ARHGAP10: variants seen among roughly 807,000 people sequenced by gnomAD.
ARHGAP10 encodes rho GTPase-activating protein 10.
A neutral mutation model predicts 108.6 loss-of-function variants in ARHGAP10; 87 were observed. The ratio of observed to expected loss-of-function variants is 0.80; its 90% CI spans 0.67 to 0.96. ARHGAP10 has a LOEUF of 0.96. Ranked by LOEUF, ARHGAP10 falls within the 40% of genes least tolerant of loss-of-function variation. The pLI is 0.00. For missense variants in ARHGAP10, 939 were observed against 954.5 expected (o/e 0.98, Z 0.21); for synonymous variants, 347 against 341.1 (o/e 1.02, Z -0.19).
intron 1 of ARHGAP10, among the ~76,000 whole-genome samples, chr4:147,760,388 G>C (rs762085930): frequency 1.3e-5 from 2 of 152,194 alleles, no homozygotes; most frequent in Non-Finnish European, 2.9e-5. Flanking sequence ...AGATTTATCA[G>C]GTTTCTACTT....
rs1735007125 is a variant in ARHGAP10, at chr4:147,875,156, A to G, written c.832+6A>G. 6.4e-7 allele frequency: 1 copy of G among 1,570,380 alleles called. No homozygotes were observed. Among genetic ancestry groups the G allele is most frequent in the Non-Finnish European group, 8.6e-7 (1 of 1,166,320 alleles). ...CCTGTATGTCCAGGAAAAAAGTAAG[A>G]GGCCCTCCAGCAGTGGCTGCGTGGC... On this transcript the variant is annotated splice_donor_region_variant and intron_variant, in intron 8 of 22. Transcript: ENST00000336498.
At chr4:147,733,592 A>G (rs1728310274) in intron 1 of ARHGAP10, among the ~76,000 whole-genome samples, 1 of 152,044 alleles carries the variant, frequency 6.6e-6, no homozygotes, top group Non-Finnish European at 1.5e-5. Context: ...TCTGGGGAAA[A>G]TCCCCCATCT....
rs1560800893 is a variant in ARHGAP10 at position 147,870,001 on chromosome 4, TGTGTGTG to T, written c.702+3186_702+3192del. On this transcript the variant is annotated intron_variant, in intron 7 of 22. Coordinates refer to ENST00000336498, the MANE Select transcript of ARHGAP10 (RefSeq NM_024605.4). ...TATTGTTGAAAAAAGTCCCAGTTTG[TGTGTGTG>T]TGTGTGTGTGTGTGTGTGTGTGTGT... Among the ~76,000 whole-genome samples the T allele has an allele frequency of 4.6e-3, 669 of 144,604 alleles. 14 individuals carry two copies. The highest frequency in any genetic ancestry group is 0.014 in the African/African-American group (542 of 37,998). The allele number at this position is 144,604 out of a possible 152,430, so 94.9% of individuals were successfully genotyped here.
intron 19 of ARHGAP10, among the ~76,000 whole-genome samples, chr4:148,037,972 A>G (rs542196147): frequency 1.3e-5 from 2 of 152,204 alleles, no homozygotes; most frequent in East Asian, 3.9e-4. Flanking sequence ...CTTTATTTAT[A>G]TAGGTCACCT....
In ARHGAP10 at chr4:147,905,640, G is replaced by A. The variant is rs542455540; in HGVS notation, c.1035-998G>A. On this transcript the variant is annotated intron_variant, in intron 10 of 22. Transcript: ENST00000336498. Reference sequence around the variant, plus strand: ...ATGCTGTTTTGGTTACTGTAGCCTTGTAGTATAGTTTGAAGTCAGGTAGCG... The same window carrying A: ...ATGCTGTTTTGGTTACTGTAGCCTTATAGTATAGTTTGAAGTCAGGTAGCG... Among the ~76,000 whole-genome samples the A allele has an allele frequency of 3.0e-3, 424 of 142,602 alleles. 10 individuals carry two copies. The highest frequency in any genetic ancestry group is 0.027 in the Admixed American group (372 of 13,638). 93.6% of individuals were successfully genotyped at this position (142,602 alleles called of 152,430 possible).
intron 18 of ARHGAP10, among the ~76,000 whole-genome samples, chr4:147,988,271 T>C (rs7689903): frequency 0.021 from 3,210 of 152,288 alleles, 115 homozygotes; most frequent in African/African-American, 0.073. Flanking sequence ...TAAAACTTGT[T>C]TAACTTTATT....
At chr4:147,925,049 C>T (rs1443159373) in intron 13 of ARHGAP10, among the ~76,000 whole-genome samples, 2 of 151,806 alleles carry the variant, frequency 1.3e-5, no homozygotes, top group Non-Finnish European at 2.9e-5. Context: ...TTTTATATGG[C>T]TCTTAGAACA....
rs35679243 is a variant in ARHGAP10 at position 147,767,367 on chromosome 4, C to CT, written c.154+34925dup. Among the ~76,000 whole-genome samples the CT allele has an allele frequency of 6.3e-3, 931 of 148,052 alleles. 13 individuals are homozygous for CT. Among genetic ancestry groups the CT allele is most frequent in the African/African-American group, 0.021 (825 of 39,966 alleles). ...AATATGTGTGGGCTGCAGAATTTAT[C>CT]TTTTTTTTTTTTTAATCCACATGGC... On this transcript the variant is annotated intron_variant, in intron 1 of 22. Coordinates refer to ENST00000336498, the MANE Select transcript of ARHGAP10 (RefSeq NM_024605.4).
Position 147,946,695 on chromosome 4 carries a change from A to G in ARHGAP10, c.1382A>G (p.Gln461Arg), listed in dbSNP as rs747007191. ...AAGACAATAACAAGTGCCTTGAAACAGTATTTGAGGTAAGCTCCTCTCAGT... is the reference window on the plus strand; with the variant it reads ...AAGACAATAACAAGTGCCTTGAAACGGTATTTGAGGTAAGCTCCTCTCAGT... The part of the protein sequence containing the change: ...EVKTITSALK[Q>R]YLRSLPEPLM... The change falls in exon 15 of 23, where the codon CAG becomes CGG. Residue 461 changes from glutamine (Q) to arginine (R), a missense_variant. By Grantham distance (43) the Gln-to-Arg change is conservative. Transcript: ENST00000336498. The G allele has an allele frequency of 2.5e-6, 4 of 1,608,804 alleles. No homozygotes were observed. The highest frequency in any genetic ancestry group is 3.4e-6 in the Non-Finnish European group (4 of 1,178,140).
intron 18 of ARHGAP10, among the ~76,000 whole-genome samples, chr4:147,984,380 C>T (rs1037868892): frequency 6.6e-6 from 1 of 152,160 alleles, no homozygotes; most frequent in Non-Finnish European, 1.5e-5. Flanking sequence ...ATTGAGGAGG[C>T]GGGAAGGGAG....
chr4:148,017,666 ATATATATATATAT>A (rs1741397603), intron 18 of ARHGAP10, among the ~76,000 whole-genome samples: 1 of 127,292 alleles, frequency 7.9e-6, no homozygotes, highest in African/African-American at 3.7e-5. Context: ...ATATATATAT[ATATATATATATAT>A]ATATGTGTGT....
intron 1 of ARHGAP10, among the ~76,000 whole-genome samples, chr4:147,743,784 AT>A (rs1398920032): frequency 2.6e-5 from 4 of 152,232 alleles, no homozygotes; most frequent in Non-Finnish European, 5.9e-5. Flanking sequence ...TCTCAAAAAA[AT>A]AAATAAATAC....
chr4:147,824,512 C>A (rs1411958258), intron 3 of ARHGAP10, among the ~76,000 whole-genome samples: 1 of 152,054 alleles, frequency 6.6e-6, no homozygotes, highest in Non-Finnish European at 1.5e-5. Flanking sequence ...GAAGAAATAC[C>A]TGAGACTGGG....
At chr4:147,950,527 G>A (rs756816713) in intron 15 of ARHGAP10, among the ~76,000 whole-genome samples, 25 of 152,280 alleles carry the variant, frequency 1.6e-4, no homozygotes, top group Middle Eastern at 3.4e-3. Flanking sequence ...TCTTCTCACT[G>A]CAAATAACCC....
intron 22 of ARHGAP10, 54 bp downstream of exon 22, chr4:148,064,561 C>A: frequency 6.6e-7 from 1 of 1,515,884 alleles, no homozygotes; most frequent in South Asian, 1.1e-5. Context: ...ATTAATAAGT[C>A]TGCAGCATGG....
At chr4:147,952,597 T>C (rs1189777189) in intron 15 of ARHGAP10, among the ~76,000 whole-genome samples, 1 of 152,168 alleles carries the variant, frequency 6.6e-6, no homozygotes, top group Non-Finnish European at 1.5e-5. Flanking sequence ...CCCAATTTTT[T>C]ACAACTTAGA....
chr4:147,966,800 G>C lies in ARHGAP10; in HGVS notation c.1677G>C (p.Gln559His). 6.3e-7 allele frequency: 1 copy of C among 1,590,538 alleles called. No individual in the cohort carries two copies. Among genetic ancestry groups the C allele is most frequent in the Non-Finnish European group, 8.6e-7 (1 of 1,164,698 alleles). ...TVAALMDLKF[Q>H]NIVVEILIEN... The stretch of plus-strand genomic sequence containing the variant: ...CTGCCCTCATGGACTTGAAGTTTCA[G>C]AATATTGTTGTGGAAATCTTAATTG... The change falls in exon 18 of 23, where the codon CAG becomes CAC. Residue 559 changes from glutamine to histidine, a missense_variant. Gln to His is a conservative substitution (Grantham distance 24, BLOSUM62 0). Transcript: ENST00000336498.
intron 1 of ARHGAP10, among the ~76,000 whole-genome samples, chr4:147,787,593 T>C (rs1174581385): frequency 6.6e-6 from 1 of 152,102 alleles, no homozygotes; most frequent in Non-Finnish European, 1.5e-5. Context: ...TTGAGTCAGA[T>C]GGGATTAGAA....
Position 147,732,417 on chromosome 4 carries a change from T to G in ARHGAP10, c.116T>G (p.Leu39Arg). ...AGGACCAACAAGTTCATCAAAGAGC[T>G]CATTAAGGACGGGAAGAACCTCATC... ...LERTNKFIKELIKDGKNLIAA... is the reference protein window; with the variant it reads ...LERTNKFIKERIKDGKNLIAA... The change falls in exon 1 of 23, where the codon CTC becomes CGC. Residue 39 changes from leucine (L) to arginine (R), a missense_variant. Leu to Arg is a moderately radical substitution (Grantham distance 102). Coordinates refer to ENST00000336498, the MANE Select transcript of ARHGAP10 (RefSeq NM_024605.4). 1 of 1,612,314 alleles carries G rather than the reference T, an allele frequency of 6.2e-7. No homozygotes were observed. Among genetic ancestry groups the G allele is most frequent in the Non-Finnish European group, 8.5e-7 (1 of 1,179,330 alleles).
Sources: gnomAD v4.1 joint callset for allele counts (sites outside exome capture counted in the v4.1 genomes callset) on GRCh38, gnomAD v4.1.1 for gene constraint, MANE v1.5 for transcripts, NCBI Gene and HGNC (gene_info 2026-07-23, HGNC 2026-07-21) for gene names.